The following NRXN3 variants were observed in gnomAD, a reference collection of about 807,000 sequenced individuals.
NRXN3 encodes neurexin III.
A neutral mutation model predicts 137.6 loss-of-function variants in NRXN3; 32 were observed. The ratio of observed to expected loss-of-function variants is 0.23; its 90% CI spans 0.18 to 0.31. The LOEUF (loss-of-function observed/expected upper bound fraction) is 0.31. NRXN3 is among the 10% of genes least tolerant of loss of function. NRXN3 has a pLI of 1.00. For synonymous variants in NRXN3, 798 were observed against 784.5 expected (o/e 1.02, Z -0.29); for missense variants, 1,574 against 2,062.5 (o/e 0.76, Z 4.59).
intron 4 of NRXN3, among the ~76,000 whole-genome samples, chr14:78,602,875 G>C (rs1167005248): frequency 6.6e-6 from 1 of 152,114 alleles, no homozygotes; most frequent in Admixed American, 6.5e-5. Context: ...CCTTAGCTAG[G>C]GAAGGGATGG....
chr14:78,439,755 T>C lies in NRXN3; in HGVS notation c.757+141895T>C, dbSNP rs80108114. Among the ~76,000 whole-genome samples, 556 of 152,326 alleles carry C rather than the reference T, an allele frequency of 3.7e-3. 25 individuals are homozygous for C. In the East Asian group the frequency reaches 0.066, roughly 18 times the overall value. ...AATTTGCTCAACTCATCACGCATCT[T>C]GGTAGGGTCAGAGCTAGGACTGGAG... On this transcript the variant is annotated intron_variant, in intron 4 of 20. Coordinates refer to ENST00000335750, the MANE Select transcript of NRXN3 (RefSeq NM_001330195.2).
intron 10 of NRXN3, among the ~76,000 whole-genome samples, chr14:78,812,521 A>T (rs2153102168): frequency 6.6e-6 from 1 of 152,324 alleles, no homozygotes; most frequent in Middle Eastern, 3.4e-3. Flanking sequence ...TTGCTGTTCT[A>T]TCCACACTTT....
chr14:79,413,901 A>AAAAG (rs1567058421), intron 15 of NRXN3, among the ~76,000 whole-genome samples: 2 of 151,338 alleles, frequency 1.3e-5, no homozygotes, highest in African/African-American at 4.9e-5. Flanking sequence ...AAAAAAAAAA[A>AAAAG]AAAAGCTTAT....
At chr14:78,250,765 C>T (rs978424351) in intron 2 of NRXN3, among the ~76,000 whole-genome samples, 2 of 152,180 alleles carry the variant, frequency 1.3e-5, no homozygotes, top group African/African-American at 4.8e-5. Flanking sequence ...CCTGAGAGCC[C>T]AGGCCCTCAA....
chr14:78,440,324 C>T (rs2094203062), intron 4 of NRXN3, among the ~76,000 whole-genome samples: 1 of 152,184 alleles, frequency 6.6e-6, no homozygotes, highest in African/African-American at 2.4e-5. Flanking sequence ...CACAATCCTG[C>T]CCTGCAGGCC....
intron 15 of NRXN3, among the ~76,000 whole-genome samples, chr14:79,059,497 T>TC (rs2099671497): frequency 1.3e-5 from 2 of 151,860 alleles, no homozygotes; most frequent in South Asian, 4.2e-4. Context: ...GACCTCGTGA[T>TC]CCCCCAGCCT....
chr14:79,508,892 G>C (rs2096905415), intron 16 of NRXN3, among the ~76,000 whole-genome samples: 2 of 152,036 alleles, frequency 1.3e-5, no homozygotes, highest in African/African-American at 4.8e-5. Context: ...TATGGTTACT[G>C]TAATCAATAA....
rs1165194972 is a variant in NRXN3, at chr14:79,055,185, C to A, written c.3262+67044C>A. On this transcript the variant is annotated intron_variant, in intron 15 of 20. Transcript: ENST00000335750. ...AATCGGAACTTCATGACTTTTTCAC[C>A]TTCTCTCTCAGTCATAAGAAGACGG... Among the ~76,000 whole-genome samples, 6 of 152,124 alleles carry A rather than the reference C, an allele frequency of 3.9e-5. No individual in the cohort carries two copies. The East Asian group carries it at 9.6e-4, about 24-fold the overall frequency.
chr14:79,730,479 T>C (rs940741430), intron 19 of NRXN3, among the ~76,000 whole-genome samples: 7 of 152,236 alleles, frequency 4.6e-5, no homozygotes, highest in East Asian at 1.9e-4. Context: ...CTGGTCACTA[T>C]GGTGATTTAA....
At chr14:79,385,314 G>T (rs2094582113) in intron 15 of NRXN3, among the ~76,000 whole-genome samples, 1 of 148,396 alleles carries the variant, frequency 6.7e-6, no homozygotes, top group Non-Finnish European at 1.5e-5. Flanking sequence ...GTGGTGTTTG[G>T]TTTTTTGTTC....
chr14:78,743,754 G>T (rs2098593830), intron 8 of NRXN3, among the ~76,000 whole-genome samples: 1 of 152,182 alleles, frequency 6.6e-6, no homozygotes, highest in Non-Finnish European at 1.5e-5. Context: ...CTTGTATGCC[G>T]AGTAGGAAAT....
At chr14:78,850,271 A>G (rs1257505293) in intron 10 of NRXN3, among the ~76,000 whole-genome samples, 1 of 152,138 alleles carries the variant, frequency 6.6e-6, no homozygotes, top group Non-Finnish European at 1.5e-5. Context: ...AAGCCTAGCA[A>G]AATTACAGAA....
chr14:79,125,873 T>A (rs1053832856), intron 15 of NRXN3, among the ~76,000 whole-genome samples: 1 of 152,196 alleles, frequency 6.6e-6, no homozygotes, highest in Non-Finnish European at 1.5e-5. Context: ...GTATACTTAC[T>A]CAGAATTTTT....
chr14:78,562,665 CA>C (rs1254944096), intron 4 of NRXN3, among the ~76,000 whole-genome samples: 1 of 152,150 alleles, frequency 6.6e-6, no homozygotes, highest in Non-Finnish European at 1.5e-5. Context: ...GCCCAGGCTA[CA>C]ATGGACTGTA....
At chr14:78,355,181 A>G (rs2084095614) in intron 4 of NRXN3, among the ~76,000 whole-genome samples, 1 of 152,156 alleles carries the variant, frequency 6.6e-6, no homozygotes, top group Non-Finnish European at 1.5e-5. Context: ...TTTCACGTTA[A>G]ATCCACCTTT....
intron 4 of NRXN3, among the ~76,000 whole-genome samples, chr14:78,485,323 C>T (rs572631502): frequency 6.6e-6 from 1 of 152,188 alleles, no homozygotes. Flanking sequence ...TGCTCCCTTT[C>T]CCCCAGAGCC....
Position 78,735,168 on chromosome 14 carries a change from GA to G in NRXN3, c.2044+20030del, listed in dbSNP as rs1374327364. ...AAGATCCTATATTTGTAGCACTTGA[GA>G]TGTCAAAGAAAAACAAATCAGGACT... On this transcript the variant is annotated intron_variant, in intron 8 of 20. Coordinates refer to ENST00000335750, the MANE Select transcript of NRXN3 (RefSeq NM_001330195.2). Among the ~76,000 whole-genome samples the G allele has an allele frequency of 2.0e-5, 3 of 152,178 alleles. No individual in the cohort carries two copies. In the East Asian group the frequency reaches 5.8e-4, roughly 29 times the overall value.
intron 15 of NRXN3, among the ~76,000 whole-genome samples, chr14:79,434,399 C>G (rs2095810790): frequency 6.6e-6 from 1 of 152,188 alleles, no homozygotes. Context: ...CCTCTTTCAA[C>G]TGGCTCCATG....
chr14:79,806,517 C>T (rs1213635738), intron 20 of NRXN3, among the ~76,000 whole-genome samples: 1 of 151,962 alleles, frequency 6.6e-6, no homozygotes, highest in East Asian at 1.9e-4. Context: ...GTGATCTGGT[C>T]AGGGCTTTCT....
Sources: allele counts gnomAD v4.1 joint callset (sites outside exome capture counted in the v4.1 genomes callset), GRCh38; gene constraint gnomAD v4.1.1; transcripts MANE v1.5; gene names NCBI Gene and HGNC (gene_info 2026-07-23, HGNC 2026-07-21).